The following AIFM2 variants were observed in gnomAD, a reference collection of about 807,000 sequenced individuals.
The protein encoded by AIFM2 is AIF family member 2, ferroptosis suppressor.
A neutral mutation model predicts 35.7 loss-of-function variants in AIFM2; 38 were observed. The ratio of observed to expected loss-of-function variants is 1.06; its 90% CI spans 0.82 to 1.39. The LOEUF (loss-of-function observed/expected upper bound fraction) is 1.39, where lower values mean the gene tolerates loss of function less well. Ranked by LOEUF, AIFM2 falls within the 40% of genes most tolerant of loss-of-function variation. The pLI is 0.00. For missense variants in AIFM2, 476 were observed against 491.2 expected (o/e 0.97, Z 0.29); for synonymous variants, 185 against 203.5 (o/e 0.91, Z 0.77).
At chr10:70,120,827 G>A (rs2072493274) in intron 4 of AIFM2, among the ~76,000 whole-genome samples, 1 of 151,636 alleles carries the variant, frequency 6.6e-6, no homozygotes. Context: ...AACAGGAGTG[G>A]AAGGGACCCG....
At chr10:70,123,261 CG>C (rs1564553409) in intron 3 of AIFM2, 143 bp downstream of exon 3, 1 of 619,352 alleles carries the variant, frequency 1.6e-6, no homozygotes, top group Non-Finnish European at 2.7e-6. Flanking sequence ...TCAGGTGATC[CG>C]CCCGCCTTGG....
At chr10:70,118,825 G>A (rs1300402100) in intron 5 of AIFM2, among the ~76,000 whole-genome samples, 2 of 152,174 alleles carry the variant, frequency 1.3e-5, no homozygotes, top group African/African-American at 2.4e-5. Flanking sequence ...AATGTCCTGA[G>A]TGATGGGAGG....
intron 6 of AIFM2, 43 bp from the exon 7 acceptor site, chr10:70,116,817 C>A (rs1321839855): frequency 6.2e-7 from 1 of 1,606,920 alleles, no homozygotes; most frequent in Non-Finnish European, 8.5e-7. Flanking sequence ...GGGACAGGGA[C>A]CCCATCAAGC....
Position 70,117,956 on chromosome 10 carries a change from C to A in AIFM2, c.508-36G>T. On this transcript the variant is annotated intron_variant, in intron 5 of 8. Coordinates refer to ENST00000307864, the MANE Select transcript of AIFM2 (RefSeq NM_032797.6). This position sits in a 1 kb window ranked among gnomAD's most constrained non-coding sequence, Gnocchi z 4.7. ...AACGACCACAGGGCCTGAGAAGGAGCCCCCAAGTCTTCAAACACAATCATT... is the reference window on the plus strand; with the variant it reads ...AACGACCACAGGGCCTGAGAAGGAGACCCCAAGTCTTCAAACACAATCATT... The A allele has an allele frequency of 6.7e-7, 1 of 1,485,220 alleles. No individual in the cohort carries two copies. The highest frequency in any genetic ancestry group is 1.8e-5 in the Admixed American group (1 of 56,808). 92.0% of individuals were successfully genotyped at this position (1,485,220 alleles called of 1,614,324 possible). A position where few individuals can be genotyped will look rare whatever the true frequency, so the allele number is the denominator to read the frequency against.
chr10:70,130,201 A>T (rs1306901607), intron 1 of AIFM2, among the ~76,000 whole-genome samples: 1 of 152,180 alleles, frequency 6.6e-6, no homozygotes, highest in African/African-American at 2.4e-5. Flanking sequence ...ATTTTTTTTA[A>T]TTTAAATTTC....
At chr10:70,120,683 G>A in intron 4 of AIFM2, 84 bp from the exon 5 acceptor site, 1 of 1,476,008 alleles carries the variant, frequency 6.8e-7, no homozygotes, top group Non-Finnish European at 9.4e-7. Context: ...CTGTGGTGTG[G>A]CTCCCTGGGC....
chr10:70,126,455 TC>T lies in AIFM2; in HGVS notation c.-13-2359del, dbSNP rs1176859070. 2.0e-5 allele frequency among the ~76,000 whole-genome samples: 3 copies of T among 152,266 alleles called. No individual in the cohort carries two copies. In the East Asian group the frequency reaches 5.8e-4, roughly 29 times the overall value. ...TGAACAGCCTCATAAGGAAGTGTGT[TC>T]CAGCTCATCTGGGACCCTCAGGCCG... On this transcript the variant is annotated intron_variant, in intron 1 of 8. Transcript: ENST00000307864.
rs2072633241 is a variant in AIFM2, at chr10:70,132,155, A to G, written c.-14+579T>C. ...CCAGGTGGACTGCACGCGTCCCATC[A>G]GAGTTAGTTTACTCACCGCTGGTCT... On this transcript the variant is annotated intron_variant, in intron 1 of 8. Transcript: ENST00000307864. Among the ~76,000 whole-genome samples, 3 of 152,188 alleles carry G rather than the reference A, an allele frequency of 2.0e-5. No homozygotes were observed. In the South Asian group the frequency reaches 6.2e-4, roughly 31 times the overall value.
In AIFM2 at chr10:70,123,947, G is replaced by A. The variant is rs750330522; in HGVS notation, c.138C>T (p.Phe46=). The A allele has an allele frequency of 6.2e-7, 1 of 1,608,282 alleles. No individual in the cohort carries two copies. Among genetic ancestry groups the A allele is most frequent in the South Asian group, 1.1e-5 (1 of 90,708 alleles). ...CTCGGAGAGCAGCCACATTGTGGTG[G>A]AAGGAGTCCTTCATGTCCACCAGCA... is the stretch of plus-strand genomic sequence containing the variant. ...PFMLVDMKDS[F]HHNVAALRAS... The change falls in exon 2 of 9, where the codon TTC becomes TTT. Residue 46 remains phenylalanine, a synonymous_variant. Transcript: ENST00000307864.
Position 70,121,192 on chromosome 10 carries a change from A to G in AIFM2, c.314T>C (p.Leu105Pro). The change falls in exon 4 of 9, where the codon CTT (leucine) becomes CCT (proline). Residue 105 changes from leucine (L) to proline (P), a missense_variant. Physicochemically the swap from Leu to Pro is moderately conservative, Grantham distance 98 (BLOSUM62 -3). Coordinates refer to ENST00000307864, the MANE Select transcript of AIFM2 (RefSeq NM_032797.6). ...QGGEALPFSH[L>P]ILATGSTGPF... ...CCCAGTGCTGCCCGTGGCCAGGATA[A>G]GATGAGAGAAGGGCAGGGCCTGAGA... 6.7e-7 allele frequency: 1 copy of G among 1,496,570 alleles called. No homozygotes were observed. The highest frequency in any genetic ancestry group is 1.1e-5 in the South Asian group (1 of 88,626). 92.7% of individuals were successfully genotyped at this position (1,496,570 alleles called of 1,614,324 possible).
In AIFM2 at chr10:70,115,077, G is replaced by A. The variant is rs1564550807; in HGVS notation, c.813C>T (p.His271=). 2 of 1,613,890 alleles carry A rather than the reference G, an allele frequency of 1.2e-6. No individual in the cohort carries two copies. Among genetic ancestry groups the A allele is most frequent in the Non-Finnish European group, 1.7e-6 (2 of 1,179,928 alleles). ...ASSGALRVNE[H]LQVEGHSNVY... ...CGTTGCTGTGGCCCTCCACCTGGAG[G>A]TGCTCGTTCACTCTCAGAGCACCAC... Residue 271 remains histidine (H), a synonymous_variant, in exon 8 of 9, where the codon CAC becomes CAT. Coordinates refer to ENST00000307864, the MANE Select transcript of AIFM2 (RefSeq NM_032797.6).
At chr10:70,119,322 T>C (rs546134173) in intron 5 of AIFM2, among the ~76,000 whole-genome samples, 49 of 152,326 alleles carry the variant, frequency 3.2e-4, no homozygotes, top group African/African-American at 9.6e-4. Context: ...TGAGAATCTC[T>C]ATCTTGTAGC....
At position 70,131,432 on chromosome 10, in the gene AIFM2, G is replaced by A. The variant is rs1402732492; in HGVS notation, c.-14+1302C>T. Among the ~76,000 whole-genome samples the A allele has an allele frequency of 6.6e-6, 1 of 152,170 alleles. No homozygotes were observed. Among genetic ancestry groups the A allele is most frequent in the Non-Finnish European group, 1.5e-5 (1 of 68,028 alleles). On this transcript the variant is annotated intron_variant, in intron 1 of 8. Coordinates refer to ENST00000307864, the MANE Select transcript of AIFM2 (RefSeq NM_032797.6). The surrounding 1 kb of genome is among the most constrained non-coding windows in gnomAD (Gnocchi z 4.1). ...CCCCTCAGGGACTACTTGAAGAACA[G>A]AACCCCCAAAAGACCAGTTTCTGAA... is the stretch of plus-strand genomic sequence containing the variant.
intron 3 of AIFM2, among the ~76,000 whole-genome samples, chr10:70,122,477 T>C (rs961941996): frequency 6.6e-6 from 1 of 152,224 alleles, no homozygotes; most frequent in Non-Finnish European, 1.5e-5. Flanking sequence ...GGGCTGGACA[T>C]GACACTCATC....
intron 8 of AIFM2, among the ~76,000 whole-genome samples, 155 bp from the exon 9 acceptor site, chr10:70,114,484 GT>G (rs1338158045): frequency 1.1e-4 from 17 of 151,570 alleles, no homozygotes; most frequent in Admixed American, 9.8e-4. Context: ...TTTTTTGTTT[GT>G]TTTTTTGAGA....
At chr10:70,129,038 T>G (rs1030866597) in intron 1 of AIFM2, among the ~76,000 whole-genome samples, 1 of 152,106 alleles carries the variant, frequency 6.6e-6, no homozygotes, top group African/African-American at 2.4e-5. Flanking sequence ...TTTAATTTTC[T>G]TAGGGACAGG....
At chr10:70,120,051 G>A (rs116620637) in intron 5 of AIFM2, among the ~76,000 whole-genome samples, 3,122 of 152,344 alleles carry the variant, frequency 0.02, 93 homozygotes, top group African/African-American at 0.066. Context: ...TCAGAGCAGG[G>A]GCTACCATAT....
intron 1 of AIFM2, among the ~76,000 whole-genome samples, chr10:70,132,362 A>G (rs1396432702): frequency 2.0e-5 from 3 of 152,026 alleles, no homozygotes; most frequent in African/African-American, 7.2e-5. Context: ...TACCCAGCGG[A>G]CCCTCGGACG....
At chr10:70,122,273 A>G (rs2072517974) in intron 3 of AIFM2, among the ~76,000 whole-genome samples, 1 of 152,130 alleles carries the variant, frequency 6.6e-6, no homozygotes, top group South Asian at 2.1e-4. Context: ...GCCCTCATGG[A>G]ATCTTCCAGG....
Sources: allele counts gnomAD v4.1 joint callset (sites outside exome capture counted in the v4.1 genomes callset), GRCh38; gene constraint gnomAD v4.1.1; non-coding constraint Gnocchi (gnomAD v3.1); transcripts MANE v1.5; gene names NCBI Gene and HGNC (gene_info 2026-07-23, HGNC 2026-07-21).